Variants in MAML3 observed in about 807,000 individuals in gnomAD.
The protein encoded by MAML3 is mastermind like transcriptional coactivator 3, also known as mastermind-like protein 3.
Under a neutral mutation model 101.9 loss-of-function variants are expected in MAML3, and 27 were observed. That is an observed-to-expected ratio of 0.27 (90% CI 0.20 to 0.37). MAML3 has a LOEUF of 0.37. Among genes scored for constraint, MAML3 ranks in the 10% least tolerant of loss-of-function variants. The pLI is 1.00. For missense variants in MAML3, 1,316 were observed against 1,444.9 expected, an observed-to-expected ratio of 0.91 and a Z score of 1.45; for synonymous variants, 501 against 555.9, an observed-to-expected ratio of 0.90 and a Z score of 1.39.
intron 1 of MAML3, among the ~76,000 whole-genome samples, chr4:140,111,477 T>G (rs1391953249): frequency 1.3e-5 from 2 of 152,256 alleles, no homozygotes; most frequent in Non-Finnish European, 2.9e-5. Flanking sequence ...AACATTCCAA[T>G]CAATCCTGCC....
At chr4:139,845,271 A>G (rs1731421796) in intron 2 of MAML3, among the ~76,000 whole-genome samples, 1 of 152,180 alleles carries the variant, frequency 6.6e-6, no homozygotes, top group Non-Finnish European at 1.5e-5. Context: ...GGAACTAGAC[A>G]TGTGGCTGCA....
intron 1 of MAML3, among the ~76,000 whole-genome samples, chr4:139,933,349 A>G (rs1490890561): frequency 1.3e-5 from 2 of 152,126 alleles, no homozygotes; most frequent in African/African-American, 4.8e-5. Flanking sequence ...CCTTTGAGGT[A>G]AACTGGGGCG....
intron 2 of MAML3, among the ~76,000 whole-genome samples, chr4:139,824,041 G>A (rs1224424160): frequency 1.3e-5 from 2 of 152,078 alleles, no homozygotes; most frequent in Non-Finnish European, 2.9e-5. Context: ...TGGTAAAATT[G>A]AGGAGGAAGT....
At chr4:140,081,060 A>G (rs182243289) in intron 1 of MAML3, among the ~76,000 whole-genome samples, 1 of 152,278 alleles carries the variant, frequency 6.6e-6, no homozygotes, top group East Asian at 1.9e-4. Flanking sequence ...CAATGCATAG[A>G]CCACATTGCA....
intron 2 of MAML3, among the ~76,000 whole-genome samples, chr4:139,761,246 C>T (rs10003830): frequency 0.17 from 25,910 of 152,016 alleles, 2,221 homozygotes; most frequent in East Asian, 0.19. Context: ...AGGCATGAGC[C>T]GCTACACCCG....
chr4:139,762,366 G>C (rs1437995058), intron 2 of MAML3, among the ~76,000 whole-genome samples: 1 of 152,170 alleles, frequency 6.6e-6, no homozygotes, highest in Non-Finnish European at 1.5e-5. Context: ...CTTGGCCCTA[G>C]CATGCATGAA....
intron 2 of MAML3, among the ~76,000 whole-genome samples, chr4:139,770,789 T>C (rs888583889): frequency 2.6e-5 from 4 of 152,070 alleles, no homozygotes; most frequent in African/African-American, 9.7e-5. Flanking sequence ...GTAAAGTAAA[T>C]GACATCAGAG....
chr4:140,094,007 A>G (rs1000136077), intron 1 of MAML3, among the ~76,000 whole-genome samples: 7 of 152,216 alleles, frequency 4.6e-5, no homozygotes. Flanking sequence ...GCTGAGCCAG[A>G]AGAGACCTGT....
chr4:140,026,822 C>A (rs1253585365), intron 1 of MAML3, among the ~76,000 whole-genome samples: 4 of 152,110 alleles, frequency 2.6e-5, no homozygotes, highest in Non-Finnish European at 4.4e-5. Flanking sequence ...CCATTAGTAG[C>A]TGGAGAATAT....
intron 2 of MAML3, among the ~76,000 whole-genome samples, chr4:139,830,316 C>G (rs920076004): frequency 1.3e-5 from 2 of 151,936 alleles, no homozygotes; most frequent in African/African-American, 4.8e-5. Flanking sequence ...CAGATAACTG[C>G]AATTTCAAAA....
At chr4:140,069,736 G>A (rs1027238888) in intron 1 of MAML3, among the ~76,000 whole-genome samples, 7 of 152,040 alleles carry the variant, frequency 4.6e-5, no homozygotes, top group Admixed American at 4.6e-4. Context: ...AAGGAGCCGG[G>A]ATGCATTTAG....
intron 1 of MAML3, among the ~76,000 whole-genome samples, chr4:140,111,286 G>A (rs1728434722): frequency 6.6e-6 from 1 of 152,184 alleles, no homozygotes; most frequent in African/African-American, 2.4e-5. Flanking sequence ...CCACCTCCTT[G>A]TTCATTAGCA....
intron 2 of MAML3, among the ~76,000 whole-genome samples, chr4:139,863,855 T>TTTTTTTTTTTTTTTTC (rs1731840032): frequency 1.1e-5 from 1 of 92,764 alleles, no homozygotes; most frequent in Non-Finnish European, 2.1e-5. Context: ...TTTTTTTTTT[T>TTTTTTTTTTTTTTTTC]TGTACTAAAA....
intron 2 of MAML3, among the ~76,000 whole-genome samples, chr4:139,831,098 G>A (rs888021328): frequency 6.6e-6 from 1 of 152,116 alleles, no homozygotes; most frequent in Non-Finnish European, 1.5e-5. Flanking sequence ...ACCCCTCAGA[G>A]AATAGAAGAG....
chr4:139,902,702 C>T (rs1408466320), intron 1 of MAML3, among the ~76,000 whole-genome samples: 3 of 152,184 alleles, frequency 2.0e-5, no homozygotes, highest in Non-Finnish European at 4.4e-5. Flanking sequence ...TGGGGCAAAG[C>T]GGCTCGGCTT....
In MAML3 at chr4:139,865,885, C is replaced by A. The variant is rs545629688; in HGVS notation, c.2079+23472G>T. ...GACCATTCTTTGGATACCCGGAGCC[C>A]CAGATTCTCTGCTTAGAGAATTTCA... is the stretch of plus-strand genomic sequence containing the variant. On this transcript the variant is annotated intron_variant, in intron 2 of 4. Transcript: ENST00000509479. Among the ~76,000 whole-genome samples the A allele has an allele frequency of 5.9e-5, 9 of 152,362 alleles. No homozygotes were observed. The East Asian group carries it at 1.7e-3, about 29-fold the overall frequency.
At chr4:139,933,881 G>T (rs549181365) in intron 1 of MAML3, among the ~76,000 whole-genome samples, 3 of 152,262 alleles carry the variant, frequency 2.0e-5, no homozygotes, top group South Asian at 4.2e-4. Context: ...ATGGGGTGGG[G>T]GTGTGTGTGA....
At chr4:139,731,165 G>A (rs566747678) in intron 2 of MAML3, 1 of 162,852 alleles carries the variant, frequency 6.1e-6, no homozygotes, top group Non-Finnish European at 1.4e-5. Flanking sequence ...GATATTTGAT[G>A]GAATTCTAAC....
intron 2 of MAML3, among the ~76,000 whole-genome samples, chr4:139,787,141 C>T (rs114362891): frequency 0.035 from 5,325 of 152,324 alleles, 219 homozygotes; most frequent in African/African-American, 0.099. Context: ...GAACCTTCCT[C>T]GTTCTGCAGC....
Sources: gnomAD v4.1 joint callset for allele counts (sites outside exome capture counted in the v4.1 genomes callset) on GRCh38, gnomAD v4.1.1 for gene constraint, MANE v1.5 for transcripts, NCBI Gene and HGNC (gene_info 2026-07-23, HGNC 2026-07-21) for gene names.